The following CERKL variants were observed in gnomAD, a reference collection of about 807,000 sequenced individuals.
CERKL encodes the protein ceramide kinase-like protein.
CERKL carries 61 observed loss-of-function variants against 63.4 expected under a neutral mutation model. That is an observed-to-expected ratio of 0.96 (90% CI 0.78 to 1.19). The LOEUF (loss-of-function observed/expected upper bound fraction) is 1.19, where lower values mean the gene tolerates loss of function less well. Ranked by LOEUF, CERKL falls within the 50% of genes most tolerant of loss-of-function variation. The probability of loss-of-function intolerance (pLI) is 0.00; values close to 1 mark genes in which losing one functional copy is unlikely to be tolerated. For missense variants in CERKL, 675 were observed against 655.5 expected (o/e 1.03, Z -0.33); for synonymous variants, 250 against 230.5 (o/e 1.08, Z -0.77).
Position 181,537,907 on chromosome 2 carries a change from CCT to C in CERKL, c.*275_*276del, listed in dbSNP as rs778015357. The C allele has an allele frequency of 1.0e-4, 58 of 568,846 alleles. No homozygotes were observed. Among genetic ancestry groups the C allele is most frequent in the Non-Finnish European group, 1.8e-4 (53 of 300,188 alleles). The allele number at this position is 568,846 out of a possible 1,614,324, so 35.2% of individuals were successfully genotyped here. A position where few individuals can be genotyped will look rare whatever the true frequency, so the allele number is the denominator to read the frequency against. ...AATGGAGCATTACTGAGTTCCTCCC[CCT>C]GTCAGATCAGCAGCAGCATTAGATT... is the stretch of plus-strand genomic sequence containing the variant. On this transcript the variant is annotated 3_prime_UTR_variant, in exon 13 of 13. Coordinates refer to ENST00000410087, the MANE Select transcript of CERKL (RefSeq NM_201548.5).
At chr2:181,553,696 G>A (rs1479541438) in intron 5 of CERKL, among the ~76,000 whole-genome samples, 2 of 152,128 alleles carry the variant, frequency 1.3e-5, no homozygotes, top group Non-Finnish European at 2.9e-5. Context: ...GACATGACTA[G>A]AAGTCAGAAA....
At chr2:181,609,533 TAAAAAAAAA>T (rs869037405) in intron 1 of CERKL, among the ~76,000 whole-genome samples, 3 of 70,216 alleles carry the variant, frequency 4.3e-5, no homozygotes, top group African/African-American at 9.5e-5. Flanking sequence ...CTGTCTCTAC[TAAAAAAAAA>T]AAAAAAAAAA....
Position 181,637,796 on chromosome 2 carries a change from CAAT to C in CERKL, c.238+18970_238+18972del, listed in dbSNP as rs1376780593. 5.9e-5 allele frequency among the ~76,000 whole-genome samples: 9 copies of C among 151,700 alleles called. No individual in the cohort carries two copies. The South Asian group carries it at 1.9e-3, about 32-fold the overall frequency. Reference sequence around the variant, plus strand: ...CCTAAACATCAAAAGCAAAATGAAACAATAATACAAAAAACAAATAAGTTGGGG... The same window carrying C: ...CCTAAACATCAAAAGCAAAATGAAACAATACAAAAAACAAATAAGTTGGGG... On this transcript the variant is annotated intron_variant, in intron 1 of 12. Transcript: ENST00000410087.
At chr2:181,594,465 C>CTAGA (rs1216031626) in intron 2 of CERKL, among the ~76,000 whole-genome samples, 1 of 152,150 alleles carries the variant, frequency 6.6e-6, no homozygotes. Context: ...GGGGGGCATT[C>CTAGA]TAGACAGAGG....
At chr2:181,582,134 A>G (rs977680645) in intron 2 of CERKL, among the ~76,000 whole-genome samples, 6 of 152,218 alleles carry the variant, frequency 3.9e-5, no homozygotes, top group African/African-American at 1.4e-4. Context: ...CTGTCCATAC[A>G]CTGATAAACA....
chr2:181,558,139 A>C lies in CERKL; in HGVS notation c.820+427T>G, dbSNP rs1171647394. Among the ~76,000 whole-genome samples, 1 of 152,186 alleles carries C rather than the reference A, an allele frequency of 6.6e-6. No homozygotes were observed. Among genetic ancestry groups the C allele is most frequent in the Non-Finnish European group, 1.5e-5 (1 of 68,032 alleles). On this transcript the variant is annotated intron_variant, in intron 5 of 12. Transcript: ENST00000410087. This position sits in a 1 kb window ranked among gnomAD's most constrained non-coding sequence, Gnocchi z 4.2. ...AAGGTTATCTGGTTATACATCAATT[A>C]TGCAAGTTACCATATTCACCTCATA...
At chr2:181,601,592 G>C (rs1685461288) in intron 2 of CERKL, among the ~76,000 whole-genome samples, 1 of 152,108 alleles carries the variant, frequency 6.6e-6, no homozygotes, top group African/African-American at 2.4e-5. Context: ...TTTTTTAAAA[G>C]TGCCAGTGTA....
chr2:181,596,293 GT>G (rs1462780382), intron 2 of CERKL, among the ~76,000 whole-genome samples: 21 of 152,132 alleles, frequency 1.4e-4, no homozygotes, highest in African/African-American at 4.8e-4. Context: ...CCAATTACTT[GT>G]TTTTAGTATA....
At chr2:181,556,099 C>T (rs1453560329) in intron 5 of CERKL, among the ~76,000 whole-genome samples, 1 of 151,978 alleles carries the variant, frequency 6.6e-6, no homozygotes, top group Admixed American at 6.6e-5. Flanking sequence ...AGGCTAATTA[C>T]CCACCCAAAG....
chr2:181,610,699 AAC>A (rs1363997017), intron 1 of CERKL, among the ~76,000 whole-genome samples: 1 of 152,218 alleles, frequency 6.6e-6, no homozygotes, highest in Admixed American at 6.5e-5. Context: ...CCCAGTGGAA[AAC>A]ACACAACAAA....
intron 1 of CERKL, among the ~76,000 whole-genome samples, chr2:181,613,784 T>C (rs1686074069): frequency 6.6e-6 from 1 of 152,182 alleles, no homozygotes; most frequent in Non-Finnish European, 1.5e-5. Context: ...GAAAATCTGA[T>C]CTATTACTCA....
At chr2:181,607,562 G>A (rs1028701136) in intron 1 of CERKL, among the ~76,000 whole-genome samples, 20 of 152,214 alleles carry the variant, frequency 1.3e-4, no homozygotes, top group African/African-American at 4.3e-4. Flanking sequence ...AAGCTGGATA[G>A]TATATGCAAA....
intron 1 of CERKL, among the ~76,000 whole-genome samples, chr2:181,626,562 T>C (rs1218644303): frequency 1.3e-5 from 2 of 152,114 alleles, no homozygotes; most frequent in Admixed American, 6.6e-5. Context: ...CCCAAACAAG[T>C]TGTCCATTTA....
intron 1 of CERKL, among the ~76,000 whole-genome samples, chr2:181,629,332 A>G (rs1574515649): frequency 1.3e-5 from 2 of 152,326 alleles, no homozygotes; most frequent in Non-Finnish European, 2.9e-5. Flanking sequence ...ATAACAGGGC[A>G]GTGTTGCACT....
intron 2 of CERKL, among the ~76,000 whole-genome samples, chr2:181,575,945 T>C (rs1689117360): frequency 6.6e-6 from 1 of 152,198 alleles, no homozygotes; most frequent in African/African-American, 2.4e-5. Context: ...CTGAAGTTTG[T>C]CTCAGAGTAA....
chr2:181,543,879 G>A (rs1438820171), intron 11 of CERKL, among the ~76,000 whole-genome samples: 1 of 151,450 alleles, frequency 6.6e-6, no homozygotes, highest in East Asian at 1.9e-4. Flanking sequence ...ACCTACTCGG[G>A]AGGCTGAGGC....
rs773891923 is a variant in CERKL, at chr2:181,656,919, G to C, written c.88C>G (p.Pro30Ala). Residue 30 changes from proline (P) to alanine (A), a missense_variant, in exon 1 of 13, where the codon CCG (proline) becomes GCG (alanine). Physicochemically the swap from Pro to Ala is conservative, Grantham distance 27 (BLOSUM62 -1). Coordinates refer to ENST00000410087, the MANE Select transcript of CERKL (RefSeq NM_201548.5). ...EAPPEAAAVPPALLTSPQQTE... is the reference protein window; with the variant it reads ...EAPPEAAAVPAALLTSPQQTE... ...TGCTGCGGGGACGTTAACAGCGCCG[G>C]AGGCACAGCGGCAGCCTCCGGGGGC... The C allele has an allele frequency of 3.1e-6, 5 of 1,598,660 alleles. No individual in the cohort carries two copies. Among genetic ancestry groups the C allele is most frequent in the Non-Finnish European group, 4.3e-6 (5 of 1,171,740 alleles).
intron 2 of CERKL, among the ~76,000 whole-genome samples, chr2:181,584,827 TTTTG>T (rs1684691431): frequency 6.6e-6 from 1 of 151,848 alleles, no homozygotes; most frequent in African/African-American, 2.4e-5. Flanking sequence ...TTTTTTTTGT[TTTTG>T]TTTTTGTTTT....
At chr2:181,547,898 G>GACATACAGACACAC in intron 8 of CERKL, 51 bp from the exon 9 acceptor site, 2 of 760,648 alleles carry the variant, frequency 2.6e-6, no homozygotes, top group Non-Finnish European at 3.7e-6. Context: ...CGCGCGCACA[G>GACATACAGACACAC]ACACACAGAC....
Sources: gnomAD v4.1 joint callset for allele counts (sites outside exome capture counted in the v4.1 genomes callset) on GRCh38, gnomAD v4.1.1 for gene constraint, Gnocchi (gnomAD v3.1) non-coding constraint, MANE v1.5 for transcripts, NCBI Gene and HGNC (gene_info 2026-07-23, HGNC 2026-07-21) for gene names.